ATL1: variants seen among roughly 807,000 people sequenced by gnomAD.
ATL1 encodes atlastin GTPase 1, also known as atlastin-1.
In ATL1, 31 loss-of-function variants were observed where a neutral mutation model predicts 75.5. The ratio of observed to expected loss-of-function variants is 0.41; its 90% confidence interval spans 0.31 to 0.55. The LOEUF is 0.55. ATL1 is among the 20% of genes least tolerant of loss of function. ATL1 has a pLI of 0.27. For missense variants in ATL1, 405 were observed against 662.6 expected, an observed-to-expected ratio of 0.61 and a Z score of 4.27; for synonymous variants, 226 against 233.3, an observed-to-expected ratio of 0.97 and a Z score of 0.28.
At chr14:50,614,620 C>T in intron 8 of ATL1, 109 bp downstream of exon 8, 3 of 1,244,142 alleles carry the variant, frequency 2.4e-6, no homozygotes, top group Non-Finnish European at 3.4e-6. Flanking sequence ...TGATAGGAGG[C>T]TGATGATTAG....
intron 6 of ATL1, among the ~76,000 whole-genome samples, chr14:50,612,826 A>G (rs184210798): frequency 3.0e-4 from 45 of 152,294 alleles, no homozygotes; most frequent in African/African-American, 1.1e-3. Context: ...ATGCGCATAC[A>G]TACATATCAT....
chr14:50,604,385 G>A (rs1053899223), intron 6 of ATL1, among the ~76,000 whole-genome samples: 28 of 151,986 alleles, frequency 1.8e-4, no homozygotes, highest in African/African-American at 5.1e-4. Flanking sequence ...TGACTTATGA[G>A]CAAGAACTTT....
At chr14:50,549,259 A>G (rs1240075987) in intron 1 of ATL1, among the ~76,000 whole-genome samples, 1 of 152,188 alleles carries the variant, frequency 6.6e-6, no homozygotes, top group Admixed American at 6.5e-5. Flanking sequence ...GTACAAATGG[A>G]TACTGACACC....
chr14:50,613,218 C>T (rs766209370), intron 6 of ATL1, 41 bp from the exon 7 acceptor site: 2 of 1,474,510 alleles, frequency 1.4e-6, no homozygotes, highest in Non-Finnish European at 1.9e-6. Context: ...AAGGGAGGCA[C>T]CTTAAAGTCC....
chr14:50,625,495 T>G (rs978663760), intron 11 of ATL1, among the ~76,000 whole-genome samples: 2 of 152,222 alleles, frequency 1.3e-5, no homozygotes, highest in Non-Finnish European at 2.9e-5. Flanking sequence ...CATCCAGGAC[T>G]TTCCCAGCTA....
intron 1 of ATL1, among the ~76,000 whole-genome samples, chr14:50,565,928 A>G (rs1371224519): frequency 6.6e-6 from 1 of 152,194 alleles, no homozygotes; most frequent in African/African-American, 2.4e-5. Flanking sequence ...CAGCCAAAGA[A>G]ATAGAACATT....
At position 50,605,246 on chromosome 14, in the gene ATL1, G is replaced by C. The variant is rs138909219; in HGVS notation, c.631-8013G>C. ...CTTTGGGACAGTGGTTCTTCCAGTG[G>C]ATTTTCTGCCTGCAATATCCATAGA... On this transcript the variant is annotated intron_variant, in intron 6 of 13. Transcript: ENST00000358385. Among the ~76,000 whole-genome samples, 81 of 151,734 alleles carry C rather than the reference G, an allele frequency of 5.3e-4. 2 individuals carry two copies. Among genetic ancestry groups the C allele is most frequent in the Non-Finnish European group, 8.8e-5 (6 of 67,830 alleles).
Position 50,551,429 on chromosome 14 carries a change from C to T in ATL1, c.-139-8698C>T, listed in dbSNP as rs537929462. ...TTTCAGGATCAGATGGAGTCACAGC[C>T]GAATTGTATCAGACATTCAAAGAAG... On this transcript the variant is annotated intron_variant, in intron 1 of 13. Coordinates refer to the ATL1 transcript ENST00000441560. Among the ~76,000 whole-genome samples, 10 of 151,974 alleles carry T rather than the reference C, an allele frequency of 6.6e-5. No homozygotes were observed. In the East Asian group the frequency reaches 1.4e-3, roughly 21 times the overall value.
chr14:50,560,649 G>A (rs2038828922), intron 1 of ATL1: 1 of 353,098 alleles, frequency 2.8e-6, no homozygotes, highest in Non-Finnish European at 5.4e-6. Flanking sequence ...GGAAGGCTAT[G>A]GGGGTGGGCA....
intron 1 of ATL1, among the ~76,000 whole-genome samples, chr14:50,580,565 A>G (rs1460882069): frequency 6.6e-6 from 1 of 152,096 alleles, no homozygotes; most frequent in Non-Finnish European, 1.5e-5. Flanking sequence ...AATAGATACC[A>G]TGTGTTTGTG....
intron 1 of ATL1, among the ~76,000 whole-genome samples, chr14:50,539,758 T>G (rs901816183): frequency 6.6e-6 from 1 of 152,244 alleles, no homozygotes; most frequent in African/African-American, 2.4e-5. Flanking sequence ...AATACTTACC[T>G]GGGATTCAGA....
chr14:50,579,304 T>C (rs2039035148), intron 1 of ATL1, among the ~76,000 whole-genome samples: 2 of 152,202 alleles, frequency 1.3e-5, no homozygotes, highest in East Asian at 1.9e-4. Flanking sequence ...GATGATTGTA[T>C]ATGTGTGGGT....
At chr14:50,567,464 T>C (rs1196399331) in intron 1 of ATL1, among the ~76,000 whole-genome samples, 1 of 152,222 alleles carries the variant, frequency 6.6e-6, no homozygotes, top group Non-Finnish European at 1.5e-5. Context: ...CTTTCAATTC[T>C]TTTGGGTATA....
At chr14:50,558,227 C>T (rs1043261096), upstream of ATL1, among the ~76,000 whole-genome samples, 2 of 152,072 alleles carry the variant, frequency 1.3e-5, no homozygotes, top group Admixed American at 6.6e-5. Context: ...GGCGTGCTGG[C>T]GACCGCCAGT....
upstream of ATL1, among the ~76,000 whole-genome samples, chr14:50,555,693 T>C (rs1363460981): frequency 2.0e-5 from 3 of 152,248 alleles, no homozygotes; most frequent in African/African-American, 4.8e-5. Flanking sequence ...GTAATTTTTA[T>C]AGTAGCCAAA....
At chr14:50,600,963 A>G (rs2039266245) in intron 6 of ATL1, among the ~76,000 whole-genome samples, 1 of 151,970 alleles carries the variant, frequency 6.6e-6, no homozygotes, top group South Asian at 2.1e-4. Flanking sequence ...AAAAAAATCC[A>G]CAAAGAACTA....
At chr14:50,628,004 A>G in intron 11 of ATL1, 27 bp from the exon 12 acceptor site, 23 of 1,613,376 alleles carry the variant, frequency 1.4e-5, no homozygotes, top group Non-Finnish European at 1.9e-5. Context: ...TGCATTGCAT[A>G]AACAAATACT....
chr14:50,614,454 C>T lies in ATL1; in HGVS notation c.805C>T (p.Leu269=). The change falls in exon 8 of 14, where the codon CTA becomes TTA. Residue 269 remains leucine (L), a synonymous_variant. Coordinates refer to ENST00000358385, the MANE Select transcript of ATL1 (RefSeq NM_015915.5). The stretch of plus-strand genomic sequence containing the variant: ...TTTCACCAACATTTCCTGTTTTCTG[C>T]TACCTCATCCTGGCTTAAAAGTAGC... ...SCFTNISCFL[L]PHPGLKVATN... 1 of 1,613,966 alleles carries T rather than the reference C, an allele frequency of 6.2e-7. No homozygotes were observed. Among genetic ancestry groups the T allele is most frequent in the Non-Finnish European group, 8.5e-7 (1 of 1,179,916 alleles).
chr14:50,611,893 C>G (rs1448777067), intron 6 of ATL1, among the ~76,000 whole-genome samples: 1 of 151,990 alleles, frequency 6.6e-6, no homozygotes, highest in Admixed American at 6.6e-5. Context: ...CACTCTCTAC[C>G]CAGTAATTCT....
Sources: gnomAD v4.1 joint callset for allele counts (sites outside exome capture counted in the v4.1 genomes callset) on GRCh38, gnomAD v4.1.1 for gene constraint, MANE v1.5 for transcripts, NCBI Gene and HGNC (gene_info 2026-07-23, HGNC 2026-07-21) for gene names.